The following ST8SIA1 variants were observed in gnomAD, a reference collection of about 807,000 sequenced individuals.
ST8SIA1 encodes the protein ST8 alpha-N-acetyl-neuraminide alpha-2,8-sialyltransferase 1, also known as alpha-N-acetylneuraminide alpha-2,8-sialyltransferase.
ST8SIA1 carries 16 observed loss-of-function variants against 35.9 expected under a neutral mutation model. The ratio of observed to expected loss-of-function variants is 0.45; its 90% confidence interval spans 0.30 to 0.68. The LOEUF (loss-of-function observed/expected upper bound fraction) is 0.68, where lower values mean the gene tolerates loss of function less well. Ranked by LOEUF, ST8SIA1 falls within the 30% of genes least tolerant of loss-of-function variation. ST8SIA1 has a pLI of 0.09. For synonymous variants in ST8SIA1, 170 were observed against 169.6 expected, an observed-to-expected ratio of 1.00 and a Z score of -0.02; for missense variants, 383 against 453.6, an observed-to-expected ratio of 0.84 and a Z score of 1.41.
At chr12:22,202,893 A>G (rs1270145456) in intron 4 of ST8SIA1, among the ~76,000 whole-genome samples, 2 of 152,182 alleles carry the variant, frequency 1.3e-5, no homozygotes, top group Non-Finnish European at 2.9e-5. Flanking sequence ...AGAGTACGCA[A>G]TATACTGAGG....
At chr12:22,234,593 C>T (rs1297597742) in intron 4 of ST8SIA1, among the ~76,000 whole-genome samples, 1 of 152,194 alleles carries the variant, frequency 6.6e-6, no homozygotes, top group East Asian at 1.9e-4. Flanking sequence ...ATCAAATTTA[C>T]ATCCCAGGCT....
At chr12:22,280,532 A>G (rs1866020199) in intron 2 of ST8SIA1, among the ~76,000 whole-genome samples, 1 of 151,590 alleles carries the variant, frequency 6.6e-6, no homozygotes, top group South Asian at 2.1e-4. Context: ...TTTGTATGAA[A>G]TTTTACACAT....
chr12:22,200,037 A>C lies in ST8SIA1; in HGVS notation c.*1515T>G, dbSNP rs774666278. 12 of 152,252 alleles carry C rather than the reference A, an allele frequency of 7.9e-5. No individual in the cohort carries two copies. The highest frequency in any genetic ancestry group is 1.5e-4 in the Non-Finnish European group (10 of 68,042). 9.4% of individuals were successfully genotyped at this position (152,252 alleles called of 1,614,324 possible). On this transcript the variant is annotated 3_prime_UTR_variant, in exon 5 of 5. Coordinates refer to ENST00000396037, the MANE Select transcript of ST8SIA1 (RefSeq NM_003034.4). ...ACTGTGTATCAAAGCTGTTGTAACA[A>C]GCTAAGTAGTCCTACCTGCTACTAA...
intron 2 of ST8SIA1, among the ~76,000 whole-genome samples, chr12:22,258,008 A>T (rs940669370): frequency 4.6e-5 from 7 of 151,828 alleles, no homozygotes; most frequent in African/African-American, 1.7e-4. Flanking sequence ...TGACTCCAGA[A>T]TATGTCCAGA....
intron 1 of ST8SIA1, among the ~76,000 whole-genome samples, chr12:22,313,698 G>A (rs987883834): frequency 3.3e-5 from 5 of 152,040 alleles, no homozygotes; most frequent in Non-Finnish European, 2.9e-5. Flanking sequence ...CAATTTTTAC[G>A]CTAATGATTT....
At chr12:22,231,727 C>T (rs1453549959) in intron 4 of ST8SIA1, among the ~76,000 whole-genome samples, 1 of 151,938 alleles carries the variant, frequency 6.6e-6, no homozygotes, top group African/African-American at 2.4e-5. Flanking sequence ...GCACCCACCA[C>T]CACGCCCGGC....
At chr12:22,261,408 C>T (rs1162994954) in intron 2 of ST8SIA1, among the ~76,000 whole-genome samples, 1 of 152,176 alleles carries the variant, frequency 6.6e-6, no homozygotes, top group Non-Finnish European at 1.5e-5. Context: ...GGATTACAGG[C>T]GTGAGCCACC....
At chr12:22,235,641 T>TA (rs1865468810) in intron 4 of ST8SIA1, among the ~76,000 whole-genome samples, 1 of 152,174 alleles carries the variant, frequency 6.6e-6, no homozygotes, top group Non-Finnish European at 1.5e-5. Flanking sequence ...ACTTTACACT[T>TA]AAAGTTTGCC....
At chr12:22,300,491 C>A (rs892351083) in intron 1 of ST8SIA1, among the ~76,000 whole-genome samples, 56 of 152,162 alleles carry the variant, frequency 3.7e-4, no homozygotes, top group African/African-American at 1.3e-3. Context: ...CATTAACTGA[C>A]TCTTTAATAA....
chr12:22,262,628 G>A (rs544030829), intron 2 of ST8SIA1, among the ~76,000 whole-genome samples: 1 of 152,280 alleles, frequency 6.6e-6, no homozygotes, highest in African/African-American at 2.4e-5. Context: ...GGGAGGCAGG[G>A]CAAAAAGTAG....
intron 2 of ST8SIA1, among the ~76,000 whole-genome samples, chr12:22,285,877 C>CAAAAAAAAAAAAAAAAACAA (rs1866094015): frequency 2.9e-5 from 3 of 103,674 alleles, no homozygotes; most frequent in Non-Finnish European, 3.8e-5. Context: ...CTGTCAAAAA[C>CAAAAAAAAAAAAAAAAACAA]AAAAAAAAAA....
At chr12:22,280,806 A>G (rs958582146) in intron 2 of ST8SIA1, among the ~76,000 whole-genome samples, 1 of 152,202 alleles carries the variant, frequency 6.6e-6, no homozygotes, top group African/African-American at 2.4e-5. Context: ...GTGATGATCC[A>G]TTTTCCTGCT....
chr12:22,248,934 T>C (rs1479554951), intron 4 of ST8SIA1, 72 bp downstream of exon 4: 5 of 1,142,966 alleles, frequency 4.4e-6, no homozygotes, highest in African/African-American at 1.5e-5. Context: ...TTATGCTCAC[T>C]GCCTTTGAAA....
intron 1 of ST8SIA1, among the ~76,000 whole-genome samples, chr12:22,323,030 C>T (rs1012697517): frequency 2.6e-5 from 4 of 152,094 alleles, no homozygotes; most frequent in Non-Finnish European, 5.9e-5. Context: ...AAAGCTATTG[C>T]TTTTTAAATG....
At chr12:22,253,367 C>T (rs892935883) in intron 3 of ST8SIA1, among the ~76,000 whole-genome samples, 1 of 152,184 alleles carries the variant, frequency 6.6e-6, no homozygotes, top group Non-Finnish European at 1.5e-5. Flanking sequence ...TTCTCCACTC[C>T]AATGCCTTCA....
At chr12:22,205,543 C>A (rs1378727387) in intron 4 of ST8SIA1, among the ~76,000 whole-genome samples, 1 of 152,002 alleles carries the variant, frequency 6.6e-6, no homozygotes, top group East Asian at 1.9e-4. Context: ...AGATAGTTAG[C>A]TAACAATTTG....
intron 3 of ST8SIA1, among the ~76,000 whole-genome samples, chr12:22,251,090 C>A (rs1420063065): frequency 6.6e-6 from 1 of 152,156 alleles, no homozygotes; most frequent in African/African-American, 2.4e-5. Context: ...TTTAATTGAT[C>A]TTTGCAAAGA....
At chr12:22,255,607 G>A (rs993178433) in intron 2 of ST8SIA1, among the ~76,000 whole-genome samples, 1 of 151,938 alleles carries the variant, frequency 6.6e-6, no homozygotes, top group Non-Finnish European at 1.5e-5. Flanking sequence ...TCCCTGAAGT[G>A]CATTTAAATA....
chr12:22,303,999 A>G (rs1866351765), intron 1 of ST8SIA1, among the ~76,000 whole-genome samples: 1 of 152,184 alleles, frequency 6.6e-6, no homozygotes, highest in Non-Finnish European at 1.5e-5. Flanking sequence ...TTTGCTAGTC[A>G]GGCCAACCAA....
Sources: allele counts gnomAD v4.1 joint callset (sites outside exome capture counted in the v4.1 genomes callset), GRCh38; gene constraint gnomAD v4.1.1; transcripts MANE v1.5; gene names NCBI Gene and HGNC (gene_info 2026-07-23, HGNC 2026-07-21).